Variants in PCDHA3 observed in about 807,000 individuals in gnomAD.
PCDHA3 encodes protocadherin alpha 3.
PCDHA3 carries 41 observed loss-of-function variants against 62.2 expected under a neutral mutation model. The ratio of observed to expected loss-of-function variants is 0.66; its 90% confidence interval spans 0.51 to 0.86. The LOEUF is 0.86. Among genes scored for constraint, PCDHA3 ranks in the 40% least tolerant of loss-of-function variants. PCDHA3 has a pLI of 0.00. For synonymous variants in PCDHA3, 640 were observed against 555.4 expected (o/e 1.15, Z -2.14); for missense variants, 1,304 against 1,241.2 (o/e 1.05, Z -0.76).
chr5:140,841,812 C>T (rs1777513901), intron 1 of PCDHA3: 1 of 1,613,912 alleles, frequency 6.2e-7, no homozygotes, highest in African/African-American at 1.3e-5. Context: ...GATGTTGGAG[C>T]TAACTCCGTG....
rs145740989 is a variant in PCDHA3 at position 140,824,111 on chromosome 5, C to G, written c.2394+20520C>G. ...TTCAGTCCAAGCCTTCCTCAGGGTC[C>G]CACCTCTACAGACAACGTGAGTTTT... On this transcript the variant is annotated intron_variant, in intron 1 of 3. Transcript: ENST00000522353. The G allele has an allele frequency of 3.8e-5, 62 of 1,613,992 alleles. 1 individual carries two copies. In the South Asian group the frequency reaches 6.6e-4, roughly 17 times the overall value.
chr5:140,871,156 G>C (rs200268029), intron 1 of PCDHA3: 2 of 1,613,446 alleles, frequency 1.2e-6, no homozygotes, highest in Non-Finnish European at 8.5e-7. Context: ...TTTGGCGGGC[G>C]CCGCGAGCCC....
intron 1 of PCDHA3, chr5:140,861,660 G>A: frequency 3.7e-6 from 1 of 269,190 alleles, no homozygotes; most frequent in Non-Finnish European, 7.4e-6. Context: ...TCTGAAACGA[G>A]AGCTCTTGAT....
intron 1 of PCDHA3, among the ~76,000 whole-genome samples, chr5:140,951,315 C>T (rs782114634): frequency 6.6e-6 from 1 of 151,988 alleles, no homozygotes. Context: ...ATGTGTTATT[C>T]TTGAGATTCA....
At chr5:140,823,074 G>T (rs2150121971) in intron 1 of PCDHA3, 5 of 1,613,698 alleles carry the variant, frequency 3.1e-6, no homozygotes, top group South Asian at 1.1e-5. Flanking sequence ...GCTCGCCTTC[G>T]CTGTGGGCCA....
rs2150325780 is a variant in PCDHA3 at position 140,841,933 on chromosome 5, C to A, written c.2394+38342C>A. 1.5e-5 allele frequency: 24 copies of A among 1,613,740 alleles called. 1 individual carries two copies. Among genetic ancestry groups the A allele is most frequent in the South Asian group, 4.4e-5 (4 of 91,086 alleles). ...TAAGAAAATCCTTGGACAGAGAGGA[C>A]GCTCCTGCGCACCACTTATTCCTGA... On this transcript the variant is annotated intron_variant, in intron 1 of 3. Transcript: ENST00000522353.
chr5:140,855,098 A>G (rs1204884452), intron 1 of PCDHA3, among the ~76,000 whole-genome samples: 1 of 149,990 alleles, frequency 6.7e-6, no homozygotes, highest in African/African-American at 2.4e-5. Flanking sequence ...CCTGTGCAGT[A>G]GCAATAATTA....
intron 3 of PCDHA3, among the ~76,000 whole-genome samples, chr5:141,005,547 C>A (rs2098220537): frequency 6.6e-6 from 1 of 150,736 alleles, no homozygotes; most frequent in South Asian, 2.1e-4. Flanking sequence ...ACTAAAAATA[C>A]AAAAATTAGC....
intron 1 of PCDHA3, among the ~76,000 whole-genome samples, chr5:140,957,462 T>C (rs574379806): frequency 8.3e-4 from 126 of 152,308 alleles, no homozygotes; most frequent in African/African-American, 2.9e-3. Context: ...ATCATAGGTA[T>C]GTATGTATAG....
intron 1 of PCDHA3, chr5:140,858,161 G>T: frequency 6.3e-7 from 1 of 1,597,836 alleles, no homozygotes; most frequent in Non-Finnish European, 8.6e-7. Flanking sequence ...CATCTGCGCG[G>T]TGTCCAGCTT....
intron 1 of PCDHA3, among the ~76,000 whole-genome samples, chr5:140,901,174 G>C (rs782712619): frequency 1.3e-5 from 2 of 152,050 alleles, no homozygotes; most frequent in Non-Finnish European, 2.9e-5. Flanking sequence ...TCTTCACTTT[G>C]TTGATTGTTT....
intron 1 of PCDHA3, among the ~76,000 whole-genome samples, chr5:140,897,304 G>C (rs1297881439): frequency 1.7e-4 from 25 of 150,768 alleles, no homozygotes; most frequent in African/African-American, 6.1e-4. Flanking sequence ...TTTAGCATTA[G>C]GTATATCTCC....
chr5:140,960,713 ATCTTATTTTAGT>A (rs2095563566), intron 1 of PCDHA3, among the ~76,000 whole-genome samples: 3 of 150,862 alleles, frequency 2.0e-5, no homozygotes, highest in Non-Finnish European at 4.4e-5. Flanking sequence ...CCAAATACTC[ATCTTATTTTAGT>A]CCATGATTTT....
rs2150374915 is a variant in PCDHA3 at position 140,844,901 on chromosome 5, G to T, written c.2394+41310G>T. 3.1e-4 allele frequency among the ~76,000 whole-genome samples: 47 copies of T among 149,514 alleles called. 3 individuals are homozygous for T. The highest frequency in any genetic ancestry group is 1.0e-3 in the African/African-American group (41 of 40,888). ...TAGACTTCGTGCATATTGCTTTGGA[G>T]AGAATGGTAGAAATTGATGGAAGGG... On this transcript the variant is annotated intron_variant, in intron 1 of 3. Coordinates refer to ENST00000522353, the MANE Select transcript of PCDHA3 (RefSeq NM_018906.3).
chr5:140,807,031 GA>G, intron 1 of PCDHA3: 1 of 901,876 alleles, frequency 1.1e-6, no homozygotes, highest in Non-Finnish European at 1.7e-6. Context: ...GAAGGAGGAA[GA>G]AGGGAAAATT....
intron 1 of PCDHA3, chr5:140,869,878 ACT>A: frequency 6.2e-7 from 1 of 1,610,122 alleles, no homozygotes; most frequent in Non-Finnish European, 8.5e-7. Context: ...TGCTAAAGAA[ACT>A]CTTGTGCTCA....
intron 1 of PCDHA3, among the ~76,000 whole-genome samples, chr5:140,947,593 T>C (rs2094149533): frequency 1.3e-5 from 2 of 151,712 alleles, no homozygotes; most frequent in African/African-American, 2.4e-5. Context: ...TAGATCAATT[T>C]AGGGAAGATT....
intron 3 of PCDHA3, among the ~76,000 whole-genome samples, chr5:141,007,767 G>T (rs1322859075): frequency 6.6e-6 from 1 of 152,142 alleles, no homozygotes; most frequent in African/African-American, 2.4e-5. Context: ...TATTGGCCTG[G>T]AAATGGTACT....
intron 1 of PCDHA3, chr5:140,847,418 T>C (rs1171051220): frequency 6.7e-6 from 1 of 149,686 alleles, no homozygotes; most frequent in Non-Finnish European, 1.5e-5. Context: ...CTCACGGTTT[T>C]GCCTTTAGAC....
Sources: gnomAD v4.1 joint callset for allele counts (sites outside exome capture counted in the v4.1 genomes callset) on GRCh38, gnomAD v4.1.1 for gene constraint, MANE v1.5 for transcripts, NCBI Gene and HGNC (gene_info 2026-07-23, HGNC 2026-07-21) for gene names.